The following KIAA1671 variants were observed in gnomAD, a reference collection of about 807,000 sequenced individuals.
The protein encoded by KIAA1671 is KIAA1671, also known as uncharacterized protein KIAA1671.
A neutral mutation model predicts 131.2 loss-of-function variants in KIAA1671; 52 were observed. The observed-to-expected ratio is 0.40, with a 90% CI of 0.32 to 0.50. KIAA1671 has a LOEUF of 0.50. KIAA1671 is among the 20% of genes least tolerant of loss of function. The pLI, the probability that KIAA1671 is intolerant of heterozygous loss-of-function variation, is 0.73. For synonymous variants in KIAA1671, 1,003 were observed against 961.6 expected (o/e 1.04, Z -0.80); for missense variants, 2,360 against 2,364.2 (o/e 1.00, Z 0.04).
intron 11 of KIAA1671, among the ~76,000 whole-genome samples, chr22:25,190,171 G>C (rs1189192380): frequency 6.6e-6 from 1 of 152,134 alleles, no homozygotes; most frequent in Non-Finnish European, 1.5e-5. Context: ...CCCTGAGCTT[G>C]TTTTTCTGCA....
chr22:25,007,991 C>T (rs1049336019), intron 1 of KIAA1671, among the ~76,000 whole-genome samples: 4 of 151,616 alleles, frequency 2.6e-5, no homozygotes, highest in African/African-American at 7.3e-5. Context: ...AGGTCAAGAG[C>T]TCTCGAGACC....
intron 6 of KIAA1671, among the ~76,000 whole-genome samples, chr22:25,164,541 G>T (rs1031188694): frequency 6.6e-6 from 1 of 152,224 alleles, no homozygotes; most frequent in Non-Finnish European, 1.5e-5. Context: ...AGAGTATCTT[G>T]TATATTATCC....
rs189214650 is a variant in KIAA1671 at position 25,170,711 on chromosome 22, T to C, written c.4531-109T>C. 4.9e-5 allele frequency: 52 copies of C among 1,057,212 alleles called. No individual in the cohort carries two copies. The East Asian group carries it at 1.3e-3, about 26-fold the overall frequency. 65.5% of individuals were successfully genotyped at this position (1,057,212 alleles called of 1,614,324 possible). On this transcript the variant is annotated intron_variant, in intron 6 of 12. Coordinates refer to ENST00000358431, the MANE Select transcript of KIAA1671 (RefSeq NM_001145206.2). ...CCCACTTAGGAAGGCAGCGGGTTGC[T>C]GGGATGGGTTTGAGCTGGGGGCCAT...
At chr22:25,105,823 G>T (rs1027385661) in intron 6 of KIAA1671, among the ~76,000 whole-genome samples, 1 of 149,528 alleles carries the variant, frequency 6.7e-6, no homozygotes, top group Non-Finnish European at 1.5e-5. Context: ...TGAAGTTGGG[G>T]GGGGGGGGTG....
At chr22:24,977,712 G>A (rs1015836435) in intron 1 of KIAA1671, among the ~76,000 whole-genome samples, 2 of 152,218 alleles carry the variant, frequency 1.3e-5, no homozygotes, top group African/African-American at 2.4e-5. Flanking sequence ...GCAGGGCCTT[G>A]GCCTACGTCA....
intron 1 of KIAA1671, among the ~76,000 whole-genome samples, chr22:25,017,256 G>A (rs979159542): frequency 1.8e-4 from 27 of 152,276 alleles, no homozygotes; most frequent in African/African-American, 3.6e-4. Context: ...GGTGGCAGGC[G>A]CCTGTAGTCC....
At chr22:24,989,645 A>T (rs992291361) in intron 1 of KIAA1671, among the ~76,000 whole-genome samples, 1 of 152,022 alleles carries the variant, frequency 6.6e-6, no homozygotes, top group African/African-American at 2.4e-5. Flanking sequence ...AGGAGGGCTG[A>T]CCCTGAGCCA....
intron 6 of KIAA1671, among the ~76,000 whole-genome samples, chr22:25,133,374 C>T (rs1472973535): frequency 1.3e-5 from 2 of 152,148 alleles, no homozygotes; most frequent in Admixed American, 1.3e-4. Flanking sequence ...ATGTGTTGAC[C>T]ACAGAATTCA....
intron 6 of KIAA1671, among the ~76,000 whole-genome samples, chr22:25,074,845 G>A (rs1244612353): frequency 6.6e-6 from 1 of 152,180 alleles, no homozygotes; most frequent in African/African-American, 2.4e-5. Flanking sequence ...GAGCATGGGA[G>A]TGCAGATATC....
intron 6 of KIAA1671, among the ~76,000 whole-genome samples, chr22:25,157,870 G>A (rs6004451): frequency 0.042 from 6,426 of 151,238 alleles, 162 homozygotes; most frequent in Middle Eastern, 0.062. Flanking sequence ...TGCCCAGGCT[G>A]GAGTGCAGTG....
intron 6 of KIAA1671, among the ~76,000 whole-genome samples, chr22:25,078,447 T>G (rs1929228278): frequency 6.6e-6 from 1 of 152,216 alleles, no homozygotes; most frequent in African/African-American, 2.4e-5. Flanking sequence ...AAGGATCACC[T>G]GAGCCCAAGA....
chr22:25,079,519 G>A (rs1929287898), intron 6 of KIAA1671, among the ~76,000 whole-genome samples: 1 of 152,210 alleles, frequency 6.6e-6, no homozygotes, highest in South Asian at 2.1e-4. Context: ...GGGCTTGGGT[G>A]TGTGGGGCCT....
chr22:25,164,864 C>T (rs1933584272), intron 6 of KIAA1671, among the ~76,000 whole-genome samples: 1 of 151,572 alleles, frequency 6.6e-6, no homozygotes, highest in Admixed American at 6.6e-5. Context: ...AGGAGAATCA[C>T]TTGAATCCAG....
intron 6 of KIAA1671, among the ~76,000 whole-genome samples, chr22:25,105,346 C>T (rs905936651): frequency 6.6e-6 from 1 of 152,124 alleles, no homozygotes; most frequent in African/African-American, 2.4e-5. Flanking sequence ...TGAAATCACA[C>T]GTGATTGTCT....
At chr22:24,989,526 G>T (rs904203895) in intron 1 of KIAA1671, among the ~76,000 whole-genome samples, 32 of 152,150 alleles carry the variant, frequency 2.1e-4, no homozygotes, top group African/African-American at 7.0e-4. Flanking sequence ...TAACAAGGGA[G>T]CTAGGGCTGC....
At chr22:25,166,314 C>G (rs1262587066) in intron 6 of KIAA1671, among the ~76,000 whole-genome samples, 1 of 152,096 alleles carries the variant, frequency 6.6e-6, no homozygotes, top group Admixed American at 6.5e-5. Context: ...TTGGAGAGTT[C>G]AGATCCCTGA....
At chr22:25,160,674 C>G (rs1278981581) in intron 6 of KIAA1671, among the ~76,000 whole-genome samples, 1 of 152,188 alleles carries the variant, frequency 6.6e-6, no homozygotes, top group Non-Finnish European at 1.5e-5. Context: ...GGACCATCCC[C>G]CTGCCTCAGC....
intron 6 of KIAA1671, among the ~76,000 whole-genome samples, chr22:25,133,949 C>T (rs914334144): frequency 1.3e-5 from 2 of 152,158 alleles, no homozygotes; most frequent in Admixed American, 6.5e-5. Context: ...AAGATACTGG[C>T]CTGAGAGGGC....
In KIAA1671 at chr22:25,028,224, G is replaced by C; in HGVS notation, c.225G>C (p.Gln75His). The C allele has an allele frequency of 6.4e-7, 1 of 1,551,600 alleles. No individual in the cohort carries two copies. Among genetic ancestry groups the C allele is most frequent in the Non-Finnish European group, 8.7e-7 (1 of 1,146,968 alleles). Reference protein sequence around the residue: ...RLAPKPFSKEQDVKSPVPSLR... With the variant: ...RLAPKPFSKEHDVKSPVPSLR... ...CCCCCAAACCCTTCTCGAAGGAGCAGGACGTGAAATCTCCTGTCCCGTCTC... is the reference window on the plus strand; with the variant it reads ...CCCCCAAACCCTTCTCGAAGGAGCACGACGTGAAATCTCCTGTCCCGTCTC... The change falls in exon 3 of 13, where the codon CAG (glutamine) becomes CAC (histidine). Residue 75 changes from glutamine to histidine, a missense_variant. Around this residue, in one of 3 missense-constraint regions of KIAA1671, gnomAD observed 1,185 missense variants for 1,126.2 expected, o/e 1.05. Transcript: ENST00000358431.
Sources: gnomAD v4.1 joint callset for allele counts (sites outside exome capture counted in the v4.1 genomes callset) on GRCh38, gnomAD v4.1.1 for gene constraint, gnomAD v4.1.1 regional missense constraint, MANE v1.5 for transcripts, NCBI Gene and HGNC (gene_info 2026-07-23, HGNC 2026-07-21) for gene names.